Variants in EP300 observed in about 807,000 individuals in gnomAD.
EP300 encodes the protein EP300 lysine acetyltransferase.
In EP300, 31 loss-of-function variants were observed where a neutral mutation model predicts 264.0. The observed-to-expected ratio is 0.12, with a 90% CI of 0.09 to 0.16. The LOEUF is 0.16. Ranked by LOEUF, EP300 falls within the 10% of genes least tolerant of loss-of-function variation. The probability of loss-of-function intolerance (pLI) is 1.00; values close to 1 mark genes in which losing one functional copy is unlikely to be tolerated. For missense variants in EP300, 2,766 were observed against 3,052.9 expected (o/e 0.91, Z 2.21); for synonymous variants, 1,340 against 1,045.4 (o/e 1.28, Z -5.44).
rs1044677996 is a variant in EP300 at position 41,131,771 on chromosome 22, G to A, written c.1528+138G>A. Reference sequence around the variant, plus strand: ...ATTTTTTAAAGATTACAGTGTAAAAGGTCCCTTACAGTTCATCTACGAGAG... The same window carrying A: ...ATTTTTTAAAGATTACAGTGTAAAAAGTCCCTTACAGTTCATCTACGAGAG... On this transcript the variant is annotated intron_variant, in intron 6 of 30. Coordinates refer to ENST00000263253, the MANE Select transcript of EP300 (RefSeq NM_001429.4). 6 of 1,289,538 alleles carry A rather than the reference G, an allele frequency of 4.7e-6. No homozygotes were observed. In the African/African-American group the frequency reaches 8.8e-5, roughly 19 times the overall value. The allele number at this position is 1,289,538 out of a possible 1,614,324, so 79.9% of individuals were successfully genotyped here. A position where few individuals can be genotyped will look rare whatever the true frequency, so the allele number is the denominator to read the frequency against.
At chr22:41,176,107 C>A in intron 29 of EP300, 140 bp from the exon 30 acceptor site, 1 of 935,090 alleles carries the variant, frequency 1.1e-6, no homozygotes, top group Non-Finnish European at 1.7e-6. Flanking sequence ...GTGGTCTCAG[C>A]TATTCAGGAG....
intron 25 of EP300, 185 bp from the exon 26 acceptor site, chr22:41,169,318 G>A (rs1439972834): frequency 1.6e-6 from 1 of 611,714 alleles, no homozygotes; most frequent in Non-Finnish European, 2.9e-6. Context: ...GGAAACCACA[G>A]GCTCACTGAA....
At chr22:41,097,429 T>TCC (rs1223015583) in intron 1 of EP300, among the ~76,000 whole-genome samples, 2 of 151,242 alleles carry the variant, frequency 1.3e-5, no homozygotes, top group Non-Finnish European at 2.9e-5. Flanking sequence ...TTCTTTGCTT[T>TCC]TCTCTCTCTT....
At chr22:41,164,572 C>T (rs770258668) in intron 22 of EP300, among the ~76,000 whole-genome samples, 1 of 152,036 alleles carries the variant, frequency 6.6e-6, no homozygotes, top group South Asian at 2.1e-4. Flanking sequence ...ATTAGCCTGG[C>T]GTGGTGGTGC....
At chr22:41,138,684 C>T (rs907286705) in intron 8 of EP300, among the ~76,000 whole-genome samples, 12 of 152,140 alleles carry the variant, frequency 7.9e-5, no homozygotes, top group Non-Finnish European at 1.8e-4. Context: ...AAAGGTAGAG[C>T]TTGGACCTTG....
intron 8 of EP300, among the ~76,000 whole-genome samples, chr22:41,139,378 A>G (rs532741218): frequency 6.6e-6 from 1 of 152,352 alleles, no homozygotes; most frequent in South Asian, 2.1e-4. Context: ...ACTATTCAGG[A>G]ACTTTTATTT....
chr22:41,108,253 T>TTC, intron 1 of EP300, among the ~76,000 whole-genome samples: 1 of 145,746 alleles, frequency 6.9e-6, no homozygotes, highest in African/African-American at 2.5e-5. Flanking sequence ...TCTTTTTTTT[T>TTC]TTTTTTTTTT....
At chr22:41,109,407 A>G (rs542968516) in intron 1 of EP300, among the ~76,000 whole-genome samples, 34 of 152,184 alleles carry the variant, frequency 2.2e-4, no homozygotes, top group Non-Finnish European at 3.7e-4. Context: ...AACTCTGTAC[A>G]TGTGATGTGA....
At chr22:41,167,840 T>TG (rs2059148663) in intron 23 of EP300, among the ~76,000 whole-genome samples, 5 of 99,214 alleles carry the variant, frequency 5.0e-5, no homozygotes, top group Non-Finnish European at 8.2e-5. Flanking sequence ...TTTTTTTTTT[T>TG]TTTTTTTTTT....
intron 1 of EP300, among the ~76,000 whole-genome samples, chr22:41,102,528 A>G (rs1241866537): frequency 5.3e-5 from 8 of 152,218 alleles, no homozygotes; most frequent in South Asian, 2.1e-4. Flanking sequence ...AAGGGGGCCA[A>G]TCATGGAGGG....
intron 28 of EP300, 74 bp downstream of exon 28, chr22:41,172,737 C>G (rs1336443509): frequency 6.7e-7 from 1 of 1,499,204 alleles, no homozygotes; most frequent in African/African-American, 1.4e-5. Flanking sequence ...CTTAAACTTT[C>G]AATTGGGTTT....
chr22:41,149,187 A>G lies in EP300; in HGVS notation c.2379+12A>G. On this transcript the variant is annotated intron_variant, in intron 13 of 30. Transcript: ENST00000263253. Reference sequence around the variant, plus strand: ...CTCCAGTGTCTCAAGTATGTCTCATAAGTGGATTTTTCACTTATTTTTGAT... The same window carrying G: ...CTCCAGTGTCTCAAGTATGTCTCATGAGTGGATTTTTCACTTATTTTTGAT... 6.2e-7 allele frequency: 1 copy of G among 1,614,120 alleles called. No homozygotes were observed. The highest frequency in any genetic ancestry group is 8.5e-7 in the Non-Finnish European group (1 of 1,180,020).
intron 1 of EP300, among the ~76,000 whole-genome samples, chr22:41,093,768 G>A (rs371977653): frequency 6.6e-6 from 1 of 152,168 alleles, no homozygotes; most frequent in Admixed American, 6.6e-5. Context: ...GAAACTCTGG[G>A]TTTTTAGGTT....
At chr22:41,118,889 CAT>C (rs1173024021) in intron 2 of EP300, among the ~76,000 whole-genome samples, 1 of 151,364 alleles carries the variant, frequency 6.6e-6, no homozygotes, top group African/African-American at 2.4e-5. Context: ...ACTGAGGTGA[CAT>C]GTAGGAATTC....
In EP300 at chr22:41,147,822, T is replaced by C. The variant is rs750449132; in HGVS notation, c.2132-15T>C. On this transcript the variant is annotated splice_polypyrimidine_tract_variant and intron_variant, in intron 11 of 30. Coordinates refer to ENST00000263253, the MANE Select transcript of EP300 (RefSeq NM_001429.4). ...ACAAAGGCATTCAGATCTAACATTT[T>C]GCTCATATTCACAGGTTTGAATCAA... The C allele has an allele frequency of 2.9e-5, 45 of 1,551,290 alleles. 1 individual carries two copies. Among genetic ancestry groups the C allele is most frequent in the Non-Finnish European group, 3.7e-5 (42 of 1,122,812 alleles).
chr22:41,178,308 A>G lies in EP300; in HGVS notation c.6597A>G (p.Pro2199=). ...AGCAGCAGCAACAGGGAGCAGGGCC[A>G]GGAATAGGCCCTGGAATGGCCAACC... ...MQQQQQQGAG[P]GIGPGMANHN... is the part of the protein sequence containing the mutation. The change falls in exon 31 of 31, where the codon CCA becomes CCG. Residue 2199 remains proline (P), a synonymous_variant. Coordinates refer to ENST00000263253, the MANE Select transcript of EP300 (RefSeq NM_001429.4). 1 of 1,614,208 alleles carries G rather than the reference A, an allele frequency of 6.2e-7. No homozygotes were observed. Among genetic ancestry groups the G allele is most frequent in the Non-Finnish European group, 8.5e-7 (1 of 1,180,034 alleles).
chr22:41,115,148 A>T (rs1477739990), intron 1 of EP300, among the ~76,000 whole-genome samples: 2 of 152,212 alleles, frequency 1.3e-5, no homozygotes, highest in Non-Finnish European at 2.9e-5. Flanking sequence ...ATTGAAAGGA[A>T]AGAAAACTCA....
At chr22:41,133,873 C>A (rs1174597831) in intron 6 of EP300, among the ~76,000 whole-genome samples, 2 of 152,182 alleles carry the variant, frequency 1.3e-5, no homozygotes, top group Non-Finnish European at 1.5e-5. Flanking sequence ...AACTGTTGAA[C>A]AACTGTTTTG....
intron 1 of EP300, among the ~76,000 whole-genome samples, chr22:41,095,042 T>TAA (rs1389278680): frequency 6.6e-6 from 1 of 152,196 alleles, no homozygotes; most frequent in African/African-American, 2.4e-5. Flanking sequence ...TAAGAGTTTA[T>TAA]CTTAGTTACT....
Sources: allele counts gnomAD v4.1 joint callset (sites outside exome capture counted in the v4.1 genomes callset), GRCh38; gene constraint gnomAD v4.1.1; transcripts MANE v1.5; gene names NCBI Gene and HGNC (gene_info 2026-07-23, HGNC 2026-07-21).